Variants in SHISA6 observed in about 807,000 individuals in gnomAD.
SHISA6 encodes the protein protein shisa-6.
In SHISA6, 22 loss-of-function variants were observed where a neutral mutation model predicts 47.9. The observed-to-expected ratio is 0.46, with a 90% CI of 0.33 to 0.66. The LOEUF is 0.66. Among genes scored for constraint, SHISA6 ranks in the 30% least tolerant of loss-of-function variants. The pLI, the probability that SHISA6 is intolerant of heterozygous loss-of-function variation, is 0.02. For synonymous variants in SHISA6, 388 were observed against 337.8 expected, an observed-to-expected ratio of 1.15 and a Z score of -1.63; for missense variants, 680 against 764.6, an observed-to-expected ratio of 0.89 and a Z score of 1.30.
At chr17:11,433,579 G>A (rs1914851096) in intron 3 of SHISA6, among the ~76,000 whole-genome samples, 1 of 152,070 alleles carries the variant, frequency 6.6e-6, no homozygotes. Context: ...AGACAGCATG[G>A]CGTTTCCTCA....
Position 11,248,265 on chromosome 17 carries a change from C to G in SHISA6, c.638+6205C>G, listed in dbSNP as rs559568623. ...AGTGAAACCAGAACTTCTGAAAAAG[C>G]AGGGTAGTACATTCTATTCTTTTGT... On this transcript the variant is annotated intron_variant, in intron 1 of 5. Transcript: ENST00000441885. 2.0e-5 allele frequency among the ~76,000 whole-genome samples: 3 copies of G among 152,220 alleles called. No homozygotes were observed. In the East Asian group the frequency reaches 5.8e-4, roughly 29 times the overall value.
chr17:11,437,455 T>C (rs1005809643), intron 3 of SHISA6, among the ~76,000 whole-genome samples: 1 of 152,202 alleles, frequency 6.6e-6, no homozygotes, highest in Non-Finnish European at 1.5e-5. Flanking sequence ...ATATCACAAG[T>C]GCCTGCTACT....
At chr17:11,337,343 C>T (rs528805036) in intron 2 of SHISA6, among the ~76,000 whole-genome samples, 1 of 152,244 alleles carries the variant, frequency 6.6e-6, no homozygotes, top group East Asian at 1.9e-4. Flanking sequence ...GCATGTCCCA[C>T]TGGAGGGTGT....
intron 3 of SHISA6, among the ~76,000 whole-genome samples, chr17:11,544,121 A>G (rs979845982): frequency 2.0e-5 from 3 of 152,032 alleles, no homozygotes; most frequent in African/African-American, 7.2e-5. Flanking sequence ...AAGCATGAAG[A>G]AAAAAACAGG....
chr17:11,293,013 C>T lies in SHISA6; in HGVS notation c.799+29487C>T, dbSNP rs141461393. Among the ~76,000 whole-genome samples, 1,060 of 151,878 alleles carry T rather than the reference C, an allele frequency of 7.0e-3. 11 individuals are homozygous for T. The highest frequency in any genetic ancestry group is 0.023 in the African/African-American group (962 of 41,422). On this transcript the variant is annotated intron_variant, in intron 2 of 5. Transcript: ENST00000441885. ...CTAATTTTTGTATTTTTAGTAGAGA[C>T]GGGGTTTCTCCATGTTCATCAGGCT...
At chr17:11,532,528 T>TC (rs1216404688) in intron 3 of SHISA6, among the ~76,000 whole-genome samples, 1 of 152,198 alleles carries the variant, frequency 6.6e-6, no homozygotes, top group Non-Finnish European at 1.5e-5. Flanking sequence ...TAAATGCCTT[T>TC]CCCCCAGATT....
intron 3 of SHISA6, among the ~76,000 whole-genome samples, chr17:11,409,393 G>T (rs531970945): frequency 2.4e-4 from 37 of 152,278 alleles, no homozygotes; most frequent in Admixed American, 2.0e-3. Context: ...AGTTCATGGG[G>T]CTCTTGTCCA....
At chr17:11,381,930 C>A (rs1474719284) in intron 3 of SHISA6, among the ~76,000 whole-genome samples, 1 of 152,200 alleles carries the variant, frequency 6.6e-6, no homozygotes, top group East Asian at 1.9e-4. Context: ...GCTTCTGACA[C>A]CTTCTCTTTC....
Position 11,305,655 on chromosome 17 carries a change from A to G in SHISA6, c.799+42129A>G, listed in dbSNP as rs570185452. ...GTTTGGTGTTGCGGGTGGCTCTGCC[A>G]TTCCCTAGGCCCAGAACCCGGAACA... On this transcript the variant is annotated intron_variant, in intron 2 of 5. Coordinates refer to ENST00000441885, the MANE Select transcript of SHISA6 (RefSeq NM_207386.4). Among the ~76,000 whole-genome samples, 6 of 152,330 alleles carry G rather than the reference A, an allele frequency of 3.9e-5. No individual in the cohort carries two copies. The East Asian group carries it at 1.2e-3, about 29-fold the overall frequency.
intron 1 of SHISA6, among the ~76,000 whole-genome samples, chr17:11,244,480 G>A (rs1354185915): frequency 1.3e-5 from 2 of 152,120 alleles, no homozygotes; most frequent in African/African-American, 4.8e-5. Context: ...GCACGTCAGG[G>A]TGAGTGTGCA....
chr17:11,452,933 C>A (rs1157415046), intron 3 of SHISA6, among the ~76,000 whole-genome samples: 2 of 149,940 alleles, frequency 1.3e-5, no homozygotes, highest in East Asian at 4.0e-4. Flanking sequence ...CCTTCTCCCC[C>A]TCCTCTTCCT....
intron 2 of SHISA6, among the ~76,000 whole-genome samples, chr17:11,285,875 A>T: frequency 7.0e-6 from 1 of 143,042 alleles, no homozygotes; most frequent in African/African-American, 2.7e-5. Context: ...CTCACTCTGT[A>T]GCCCAGGCAG....
In SHISA6 at chr17:11,455,039, A is replaced by G. The variant is rs189300808; in HGVS notation, c.895+75530A>G. On this transcript the variant is annotated intron_variant, in intron 3 of 5. Transcript: ENST00000441885. ...AAAAAAATAGCTGGGCGTGGTGGTG[A>G]GCACCTGTAGTCCAAGCCACTCCAG... is the stretch of plus-strand genomic sequence containing the variant. 7.6e-3 allele frequency among the ~76,000 whole-genome samples: 1,151 copies of G among 152,188 alleles called. 16 individuals carry two copies. The highest frequency in any genetic ancestry group is 0.025 in the African/African-American group (1,031 of 41,532).
At chr17:11,260,895 G>A (rs1908209463) in intron 1 of SHISA6, among the ~76,000 whole-genome samples, 1 of 152,086 alleles carries the variant, frequency 6.6e-6, no homozygotes, top group Non-Finnish European at 1.5e-5. Context: ...CTCAGATGCT[G>A]GAAGCTGCTG....
intron 2 of SHISA6, among the ~76,000 whole-genome samples, chr17:11,344,240 G>C (rs748560651): frequency 8.5e-5 from 13 of 152,140 alleles, no homozygotes; most frequent in Non-Finnish European, 1.6e-4. Context: ...ATCACATATA[G>C]AATTTGTAAA....
chr17:11,354,233 T>A (rs1912000088), intron 2 of SHISA6, among the ~76,000 whole-genome samples: 1 of 152,168 alleles, frequency 6.6e-6, no homozygotes, highest in African/African-American at 2.4e-5. Flanking sequence ...TCTGGGGACC[T>A]TGTTCAAATG....
intron 3 of SHISA6, among the ~76,000 whole-genome samples, chr17:11,472,272 C>G (rs1230845798): frequency 2.0e-5 from 3 of 152,096 alleles, no homozygotes; most frequent in Non-Finnish European, 4.4e-5. Flanking sequence ...TCATAGCTTA[C>G]CACGGCCTCG....
intron 2 of SHISA6, among the ~76,000 whole-genome samples, chr17:11,317,127 GT>G (rs1301318420): frequency 2.6e-5 from 4 of 151,796 alleles, no homozygotes; most frequent in East Asian, 1.9e-4. Flanking sequence ...ATGGCTACCT[GT>G]TTTTGTGTAT....
chr17:11,338,909 G>A (rs773201405), intron 2 of SHISA6, among the ~76,000 whole-genome samples: 4 of 152,160 alleles, frequency 2.6e-5, no homozygotes, highest in Non-Finnish European at 5.9e-5. Flanking sequence ...ATGTACAACA[G>A]TGGGGGATTA....
Sources: gnomAD v4.1 joint callset for allele counts (sites outside exome capture counted in the v4.1 genomes callset) on GRCh38, gnomAD v4.1.1 for gene constraint, MANE v1.5 for transcripts, NCBI Gene and HGNC (gene_info 2026-07-23, HGNC 2026-07-21) for gene names.